The following SKAP1 variants were observed in gnomAD, a reference collection of about 807,000 sequenced individuals.
The protein encoded by SKAP1 is src kinase-associated phosphoprotein 1.
A neutral mutation model predicts 58.5 loss-of-function variants in SKAP1; 44 were observed. The ratio of observed to expected loss-of-function variants is 0.75; its 90% CI spans 0.59 to 0.97. The LOEUF (loss-of-function observed/expected upper bound fraction) is 0.97, where lower values mean the gene tolerates loss of function less well. Ranked by LOEUF, SKAP1 falls within the 50% of genes least tolerant of loss-of-function variation. The pLI is 0.00. For synonymous variants in SKAP1, 127 were observed against 149.7 expected (o/e 0.85, Z 1.11); for missense variants, 390 against 435.2 (o/e 0.90, Z 0.92).
intron 2 of SKAP1, among the ~76,000 whole-genome samples, chr17:48,374,583 C>T (rs2067129940): frequency 6.6e-6 from 1 of 152,160 alleles, no homozygotes. Context: ...TAGGAAAACC[C>T]CTTGCAACTG....
chr17:48,241,617 C>T (rs371815889), intron 4 of SKAP1, among the ~76,000 whole-genome samples: 10 of 152,054 alleles, frequency 6.6e-5, no homozygotes, highest in East Asian at 3.8e-4. Context: ...CTTCCTCTCT[C>T]GGGGAAGGCC....
At chr17:48,337,543 C>T (rs2066589758) in intron 4 of SKAP1, among the ~76,000 whole-genome samples, 1 of 152,110 alleles carries the variant, frequency 6.6e-6, no homozygotes, top group Non-Finnish European at 1.5e-5. Flanking sequence ...ATAATGAACT[C>T]TTCATTAGTA....
intron 4 of SKAP1, among the ~76,000 whole-genome samples, chr17:48,290,846 T>C (rs1237857824): frequency 6.6e-6 from 1 of 152,178 alleles, no homozygotes; most frequent in East Asian, 1.9e-4. Context: ...TACAAAAAAT[T>C]AAAGACACTT....
intron 4 of SKAP1, among the ~76,000 whole-genome samples, chr17:48,222,927 G>A (rs1222101132): frequency 6.6e-6 from 1 of 151,300 alleles, no homozygotes; most frequent in African/African-American, 2.4e-5. Flanking sequence ...AGCTGGGCGT[G>A]GAGGTGAGTG....
At chr17:48,288,313 GTTTT>G (rs1270928126) in intron 4 of SKAP1, among the ~76,000 whole-genome samples, 1 of 152,150 alleles carries the variant, frequency 6.6e-6, no homozygotes, top group African/African-American at 2.4e-5. Flanking sequence ...TATCTTAAGG[GTTTT>G]TTAAGCTATA....
At chr17:48,415,295 G>C (rs944794178) in intron 1 of SKAP1, among the ~76,000 whole-genome samples, 4 of 151,792 alleles carry the variant, frequency 2.6e-5, no homozygotes, top group Non-Finnish European at 4.4e-5. Flanking sequence ...AATACTTGAG[G>C]TTTTTGTCTA....
chr17:48,299,394 T>G (rs1476304402), intron 4 of SKAP1, among the ~76,000 whole-genome samples: 2 of 152,210 alleles, frequency 1.3e-5, no homozygotes, highest in Non-Finnish European at 2.9e-5. Context: ...TGGTATAGTG[T>G]TTTCCATCCT....
chr17:48,226,568 T>C (rs1420992909), intron 4 of SKAP1, among the ~76,000 whole-genome samples: 1 of 152,194 alleles, frequency 6.6e-6, no homozygotes. Flanking sequence ...GGACTAAGTA[T>C]GAGGTTTGAA....
chr17:48,338,466 A>G (rs1478468118), intron 4 of SKAP1, among the ~76,000 whole-genome samples: 1 of 152,012 alleles, frequency 6.6e-6, no homozygotes, highest in African/African-American at 2.4e-5. Flanking sequence ...ACCATCTTTA[A>G]AATTTAGTTT....
chr17:48,309,587 GTGTTGGTATATA>G (rs1567862699), intron 4 of SKAP1, among the ~76,000 whole-genome samples: 1 of 151,916 alleles, frequency 6.6e-6, no homozygotes, highest in Non-Finnish European at 1.5e-5. Context: ...ATATACATAT[GTGTTGGTATATA>G]TATACATATA....
chr17:48,169,790 A>C (rs150660832), intron 10 of SKAP1, among the ~76,000 whole-genome samples: 1 of 152,346 alleles, frequency 6.6e-6, no homozygotes, highest in African/African-American at 2.4e-5. Context: ...ATAATGGAGA[A>C]GGAGCAGGGA....
At chr17:48,175,259 T>C (rs997910178) in intron 9 of SKAP1, among the ~76,000 whole-genome samples, 1 of 152,034 alleles carries the variant, frequency 6.6e-6, no homozygotes, top group African/African-American at 2.4e-5. Flanking sequence ...CTTCCCCAAA[T>C]AAAGAAAGTG....
intron 4 of SKAP1, among the ~76,000 whole-genome samples, chr17:48,192,705 G>A (rs73322886): frequency 0.16 from 24,432 of 152,060 alleles, 2,665 homozygotes; most frequent in African/African-American, 0.3. Context: ...GCACTGCTTC[G>A]CTTATTTAAT....
At chr17:48,225,785 T>C (rs544239288) in intron 4 of SKAP1, among the ~76,000 whole-genome samples, 7 of 152,262 alleles carry the variant, frequency 4.6e-5, no homozygotes, top group African/African-American at 1.4e-4. Flanking sequence ...GGGTAGGAGA[T>C]GCATACATCT....
At chr17:48,401,850 G>C (rs2067502548) in intron 1 of SKAP1, among the ~76,000 whole-genome samples, 1 of 152,148 alleles carries the variant, frequency 6.6e-6, no homozygotes, top group Non-Finnish European at 1.5e-5. Context: ...CACAGAATGA[G>C]AGAAAAGCTT....
chr17:48,330,973 AC>A (rs1352851873), intron 4 of SKAP1, among the ~76,000 whole-genome samples: 1 of 152,170 alleles, frequency 6.6e-6, no homozygotes, highest in Non-Finnish European at 1.5e-5. Flanking sequence ...GAGGAGTGTA[AC>A]CTTAAAACCT....
intron 2 of SKAP1, among the ~76,000 whole-genome samples, chr17:48,368,241 A>G (rs1041795987): frequency 4.6e-5 from 7 of 152,222 alleles, no homozygotes; most frequent in African/African-American, 7.2e-5. Context: ...GTCTTGTTAA[A>G]GATATTCCCT....
chr17:48,334,096 C>A (rs1045831854), intron 4 of SKAP1, among the ~76,000 whole-genome samples: 7 of 151,792 alleles, frequency 4.6e-5, no homozygotes, highest in Non-Finnish European at 8.9e-5. Flanking sequence ...CTAGGAAATT[C>A]CCTTCTATCC....
Position 48,314,084 on chromosome 17 carries a change from CAGAT to C in SKAP1, c.280+31817_280+31820del, listed in dbSNP as rs370039929. Among the ~76,000 whole-genome samples, 45 of 152,220 alleles carry C rather than the reference CAGAT, an allele frequency of 3.0e-4. No individual in the cohort carries two copies. The East Asian group carries it at 6.0e-3, about 20-fold the overall frequency. Reference sequence around the variant, plus strand: ...TTTTAAAAGGAATAAACTGAAATCACAGATAGTTTTCATTATCTTGTCTTAGACT... The same window carrying C: ...TTTTAAAAGGAATAAACTGAAATCACAGTTTTCATTATCTTGTCTTAGACT... On this transcript the variant is annotated intron_variant, in intron 4 of 12. Transcript: ENST00000336915.
Sources: gnomAD v4.1 joint callset for allele counts (sites outside exome capture counted in the v4.1 genomes callset) on GRCh38, gnomAD v4.1.1 for gene constraint, MANE v1.5 for transcripts, NCBI Gene and HGNC (gene_info 2026-07-23, HGNC 2026-07-21) for gene names.